The following LRRC38 variants were observed in gnomAD, a reference collection of about 807,000 sequenced individuals.
The protein encoded by LRRC38 is leucine-rich repeat-containing protein 38.
A neutral mutation model predicts 16.4 loss-of-function variants in LRRC38; 5 were observed. That is an observed-to-expected ratio of 0.31 (90% CI 0.16 to 0.64). The LOEUF (loss-of-function observed/expected upper bound fraction) is 0.64, where lower values mean the gene tolerates loss of function less well. LRRC38 is among the 30% of genes least tolerant of loss of function. The pLI is 0.80. For missense variants in LRRC38, 341 were observed against 401.8 expected (o/e 0.85, Z 1.29); for synonymous variants, 191 against 190.2 (o/e 1.00, Z -0.04).
intron 1 of LRRC38, among the ~76,000 whole-genome samples, chr1:13,483,876 G>A (rs1638898592): frequency 6.6e-6 from 1 of 151,702 alleles, no homozygotes; most frequent in African/African-American, 2.4e-5. Flanking sequence ...ATATGAGAAG[G>A]GTGCCCATAT....
chr1:13,493,935 C>T (rs941832776), intron 1 of LRRC38, among the ~76,000 whole-genome samples: 1 of 152,124 alleles, frequency 6.6e-6, no homozygotes, highest in Non-Finnish European at 1.5e-5. Flanking sequence ...TGCTGGCGTG[C>T]ACCTGTAATC....
In LRRC38 at chr1:13,505,482, C is replaced by G. The variant is rs182479856; in HGVS notation, c.631+7481G>C. 3.3e-5 allele frequency among the ~76,000 whole-genome samples: 5 copies of G among 152,322 alleles called. No homozygotes were observed. In the South Asian group the frequency reaches 8.3e-4, roughly 25 times the overall value. On this transcript the variant is annotated intron_variant, in intron 1 of 1. Coordinates refer to ENST00000376085, the MANE Select transcript of LRRC38 (RefSeq NM_001010847.2). ...AAAACAAAGGCCAGTGATTTGGGCC[C>G]GTCCCTGGATGACCCCTAGGAGTGT...
intron 1 of LRRC38, among the ~76,000 whole-genome samples, chr1:13,495,182 G>A (rs1259238236): frequency 6.6e-6 from 1 of 152,204 alleles, no homozygotes; most frequent in Non-Finnish European, 1.5e-5. Flanking sequence ...GAATGAGGAT[G>A]AGCTGGTGAC....
chr1:13,479,632 C>T (rs924353000), intron 1 of LRRC38, among the ~76,000 whole-genome samples: 1 of 152,198 alleles, frequency 6.6e-6, no homozygotes, highest in African/African-American at 2.4e-5. Flanking sequence ...ACAAGCCCAC[C>T]AGGGGCGGGG....
At chr1:13,497,979 A>G (rs1049156840) in intron 1 of LRRC38, among the ~76,000 whole-genome samples, 6 of 150,346 alleles carry the variant, frequency 4.0e-5, no homozygotes, top group African/African-American at 7.4e-5. Context: ...AAAAAAAAAA[A>G]AAAGAAACGA....
At chr1:13,493,438 G>A (rs1415046703) in intron 1 of LRRC38, among the ~76,000 whole-genome samples, 1 of 152,210 alleles carries the variant, frequency 6.6e-6, no homozygotes, top group Non-Finnish European at 1.5e-5. Context: ...ACACAGAAGT[G>A]AGGTTACTTC....
intron 1 of LRRC38, among the ~76,000 whole-genome samples, chr1:13,485,394 G>A (rs947021154): frequency 2.0e-5 from 3 of 151,652 alleles, no homozygotes; most frequent in Admixed American, 1.3e-4. Flanking sequence ...TGGCTAACAC[G>A]GTGAAACCCT....
intron 1 of LRRC38, among the ~76,000 whole-genome samples, chr1:13,493,738 A>G (rs1215543201): frequency 6.6e-6 from 1 of 152,178 alleles, no homozygotes. Context: ...CTGGAAAGGC[A>G]AAAGGACACA....
At position 13,513,312 on chromosome 1, in the gene LRRC38, C is replaced by G. The variant is rs1162717131; in HGVS notation, c.282G>C (p.Ser94=). The change falls in exon 1 of 2, where the codon TCG becomes TCC. Residue 94 remains serine (S), a synonymous_variant. Transcript: ENST00000376085. ...AGCCGCTGAACGTGCCCTCCTCCAG[C>G]GAGCGCAGCGAGTTGTTCCTGAAGT... ...YLDFRNNSLR[S]LEEGTFSGSA... The G allele has an allele frequency of 1.3e-6, 2 of 1,550,720 alleles. No individual in the cohort carries two copies. Among genetic ancestry groups the G allele is most frequent in the Admixed American group, 2.0e-5 (1 of 50,990 alleles).
chr1:13,481,778 TCCCTCTCTCC>T (rs1470940680), intron 1 of LRRC38, among the ~76,000 whole-genome samples: 2,872 of 37,630 alleles, frequency 0.076, 52 homozygotes, highest in African/African-American at 0.19. Flanking sequence ...TCTCCCTCTC[TCCCTCTCTCC>T]CTCTCTCTCT....
intron 1 of LRRC38, among the ~76,000 whole-genome samples, chr1:13,481,791 C>T (rs1009355524): frequency 2.4e-3 from 191 of 78,636 alleles, no homozygotes; most frequent in African/African-American, 0.01. Context: ...CTCTCTCCCT[C>T]TCTCTCTCTC....
intron 1 of LRRC38, among the ~76,000 whole-genome samples, chr1:13,485,290 A>AAAAAAAAAAAAAAAAAAAAT (rs1638917981): frequency 7.6e-6 from 1 of 131,618 alleles, no homozygotes; most frequent in African/African-American, 2.9e-5. Flanking sequence ...AAAAAAAAAA[A>AAAAAAAAAAAAAAAAAAAAT]AAAACGGCCA....
chr1:13,490,477 T>C (rs1260652093), intron 1 of LRRC38, among the ~76,000 whole-genome samples: 2 of 152,090 alleles, frequency 1.3e-5, no homozygotes, highest in African/African-American at 4.8e-5. Flanking sequence ...AATTATACTC[T>C]TGGGAAAAAA....
intron 1 of LRRC38, among the ~76,000 whole-genome samples, chr1:13,506,313 C>T (rs1229269947): frequency 6.6e-6 from 1 of 152,088 alleles, no homozygotes; most frequent in Non-Finnish European, 1.5e-5. Context: ...TGATGTTTCC[C>T]GGGACCGAAA....
chr1:13,475,286 T>C lies in LRRC38; in HGVS notation c.*560A>G, dbSNP rs1197199760. 6.5e-6 allele frequency: 1 copy of C among 153,626 alleles called. No individual in the cohort carries two copies. The highest frequency in any genetic ancestry group is 1.9e-4 in the East Asian group (1 of 5,218). The allele number at this position is 153,626 out of a possible 1,614,324, so 9.5% of individuals were successfully genotyped here. A position where few individuals can be genotyped will look rare whatever the true frequency, so the allele number is the denominator to read the frequency against. ...TCAACATATAAAATCTGGGGGAACATAAACATTGAGTCTATTGCACACGAG... is the reference window on the plus strand; with the variant it reads ...TCAACATATAAAATCTGGGGGAACACAAACATTGAGTCTATTGCACACGAG... On this transcript the variant is annotated 3_prime_UTR_variant, in exon 2 of 2. Coordinates refer to ENST00000376085, the MANE Select transcript of LRRC38 (RefSeq NM_001010847.2). This position sits in a 1 kb window ranked among gnomAD's most constrained non-coding sequence, Gnocchi z 4.3.
At chr1:13,499,582 A>T (rs963311269) in intron 1 of LRRC38, among the ~76,000 whole-genome samples, 1 of 152,164 alleles carries the variant, frequency 6.6e-6, no homozygotes, top group Non-Finnish European at 1.5e-5. Context: ...CCACTCAAAC[A>T]GGGTTATTTG....
intron 1 of LRRC38, among the ~76,000 whole-genome samples, chr1:13,503,958 GCAAGAGCCGGC>G (rs1422186014): frequency 6.6e-5 from 10 of 152,200 alleles, no homozygotes; most frequent in East Asian, 1.9e-4. Flanking sequence ...CCTCCGACGT[GCAAGAGCCGGC>G]CAAGAGCCGC....
chr1:13,500,993 A>G (rs1569932722), intron 1 of LRRC38, among the ~76,000 whole-genome samples: 1 of 152,284 alleles, frequency 6.6e-6, no homozygotes, highest in East Asian at 1.9e-4. Context: ...ATGATCGTGA[A>G]GGATTACATG....
intron 1 of LRRC38, among the ~76,000 whole-genome samples, chr1:13,505,590 G>A (rs2924862): frequency 0.36 from 55,167 of 152,134 alleles, 13,072 homozygotes; most frequent in East Asian, 0.81. Flanking sequence ...AGCAGCAGGC[G>A]TGCTGGCCTC....
Sources: gnomAD v4.1 joint callset for allele counts (sites outside exome capture counted in the v4.1 genomes callset) on GRCh38, gnomAD v4.1.1 for gene constraint, Gnocchi (gnomAD v3.1) non-coding constraint, MANE v1.5 for transcripts, NCBI Gene and HGNC (gene_info 2026-07-23, HGNC 2026-07-21) for gene names.